DOCK1: variants seen among roughly 807,000 people sequenced by gnomAD.
DOCK1 encodes dedicator of cytokinesis 1.
In DOCK1, 138 loss-of-function variants were observed where a neutral mutation model predicts 262.7. The observed-to-expected ratio is 0.53, with a 90% CI of 0.46 to 0.61. DOCK1 has a LOEUF of 0.61. Ranked by LOEUF, DOCK1 falls within the 20% of genes least tolerant of loss-of-function variation. The pLI, the probability that DOCK1 is intolerant of heterozygous loss-of-function variation, is 0.00. For synonymous variants in DOCK1, 866 were observed against 867.4 expected, an observed-to-expected ratio of 1.00 and a Z score of 0.03; for missense variants, 1,908 against 2,370.7, an observed-to-expected ratio of 0.80 and a Z score of 4.05.
Position 127,415,146 on chromosome 10 carries a change from T to C in DOCK1, c.4429-6T>C, listed in dbSNP as rs546133274. On this transcript the variant is annotated splice_region_variant and splice_polypyrimidine_tract_variant and intron_variant, in intron 43 of 51. Transcript: ENST00000623213. ...CCCGTGTTGTGTGTGTGTGTTTCCT[T>C]TGCAGAATATGTGGATCGAGAGAAC... is the stretch of plus-strand genomic sequence containing the variant. The C allele has an allele frequency of 1.2e-5, 20 of 1,613,008 alleles. No homozygotes were observed. In the Admixed American group the frequency reaches 1.5e-4, roughly 12 times the overall value.
intron 29 of DOCK1, among the ~76,000 whole-genome samples, chr10:127,286,243 A>G (rs1473071882): frequency 6.6e-6 from 1 of 151,952 alleles, no homozygotes; most frequent in Non-Finnish European, 1.5e-5. Flanking sequence ...TGTTTGTCTG[A>G]AAAAGAAATC....
intron 27 of DOCK1, among the ~76,000 whole-genome samples, chr10:127,172,643 CCA>C (rs1214587590): frequency 2.0e-5 from 3 of 152,166 alleles, no homozygotes; most frequent in Non-Finnish European, 4.4e-5. Context: ...CTATCTGAGT[CCA>C]GAGGGCTCTG....
chr10:127,261,926 C>CTGTG (rs1394217712), intron 29 of DOCK1, among the ~76,000 whole-genome samples: 10 of 95,260 alleles, frequency 1.0e-4, no homozygotes, highest in South Asian at 3.7e-4. Flanking sequence ...CCGTGCTCAT[C>CTGTG]TGTGTGCATG....
intron 29 of DOCK1, among the ~76,000 whole-genome samples, chr10:127,273,118 T>C (rs2135201050): frequency 6.6e-6 from 1 of 152,358 alleles, no homozygotes; most frequent in African/African-American, 2.4e-5. Flanking sequence ...CCTTCTTTTC[T>C]TATTCTTATT....
intron 5 of DOCK1, among the ~76,000 whole-genome samples, chr10:126,989,395 C>T (rs145701703): frequency 6.6e-6 from 1 of 152,120 alleles, no homozygotes; most frequent in Non-Finnish European, 1.5e-5. Flanking sequence ...GGCATGATCA[C>T]AGCTCCCTGC....
In DOCK1 at chr10:127,176,647, A is replaced by G. The variant is rs919607048; in HGVS notation, c.2847+48883A>G. Among the ~76,000 whole-genome samples the G allele has an allele frequency of 7.9e-5, 12 of 152,192 alleles. No homozygotes were observed. The highest frequency in any genetic ancestry group is 5.2e-4 in the Admixed American group (8 of 15,280). ...GGGATACACTCGCTTTCCTTTTGAC[A>G]GTAATGCATGTTTCCCCATTAGACA... On this transcript the variant is annotated intron_variant, in intron 27 of 51. Transcript: ENST00000623213. The surrounding 1 kb of genome is among the most constrained non-coding windows in gnomAD (Gnocchi z 4.4).
chr10:127,002,061 C>T (rs1459288449), intron 10 of DOCK1, among the ~76,000 whole-genome samples: 1 of 152,200 alleles, frequency 6.6e-6, no homozygotes, highest in East Asian at 1.9e-4. Flanking sequence ...AATTGCCCCT[C>T]TATTTGTCAG....
intron 23 of DOCK1, among the ~76,000 whole-genome samples, chr10:127,103,157 A>G (rs7911238): frequency 0.22 from 34,153 of 152,032 alleles, 5,471 homozygotes; most frequent in African/African-American, 0.46. Flanking sequence ...GTCGAGTTCC[A>G]TTGTATGAAT....
At chr10:127,245,466 A>G (rs1190568553) in intron 27 of DOCK1, among the ~76,000 whole-genome samples, 1 of 152,186 alleles carries the variant, frequency 6.6e-6, no homozygotes, top group Non-Finnish European at 1.5e-5. Context: ...CAGTTAAACA[A>G]GGGGCCGCGT....
At chr10:126,921,300 A>G (rs1207547957) in intron 1 of DOCK1, among the ~76,000 whole-genome samples, 2 of 152,182 alleles carry the variant, frequency 1.3e-5, no homozygotes, top group African/African-American at 4.8e-5. Context: ...TCAAATGTCC[A>G]TCATTGGATG....
intron 27 of DOCK1, among the ~76,000 whole-genome samples, chr10:127,245,732 T>C (rs1056296623): frequency 7.2e-5 from 11 of 152,216 alleles, no homozygotes; most frequent in African/African-American, 2.7e-4. Context: ...TCATTAGTGT[T>C]ACTCTGTGCT....
At chr10:127,211,835 C>T (rs895370912) in intron 27 of DOCK1, among the ~76,000 whole-genome samples, 1 of 152,218 alleles carries the variant, frequency 6.6e-6, no homozygotes, top group Non-Finnish European at 1.5e-5. Context: ...TCCCTGCACA[C>T]ACCTGCCTTT....
At chr10:127,221,479 G>A (rs1474324354) in intron 27 of DOCK1, among the ~76,000 whole-genome samples, 1 of 152,164 alleles carries the variant, frequency 6.6e-6, no homozygotes, top group Non-Finnish European at 1.5e-5. Flanking sequence ...TGAGAGGGTG[G>A]CTGTGCTTTC....
intron 51 of DOCK1, among the ~76,000 whole-genome samples, chr10:127,451,001 A>T (rs918000179): frequency 1.6e-4 from 24 of 152,334 alleles, no homozygotes; most frequent in African/African-American, 5.1e-4. Context: ...GAGTGCCTCT[A>T]AGGACTTATT....
At chr10:127,102,108 C>G (rs1284221352) in intron 23 of DOCK1, among the ~76,000 whole-genome samples, 1 of 152,130 alleles carries the variant, frequency 6.6e-6, no homozygotes, top group African/African-American at 2.4e-5. Flanking sequence ...ATGGATCGTT[C>G]TGGAGTGGAG....
chr10:127,032,376 T>C, intron 18 of DOCK1, 56 bp downstream of exon 18: 8 of 1,451,024 alleles, frequency 5.5e-6, no homozygotes, highest in Non-Finnish European at 7.3e-6. Flanking sequence ...AGTCCTGTCT[T>C]TTCCATGCTC....
At chr10:127,280,035 A>ATATATATATAAT (rs2060894873) in intron 29 of DOCK1, among the ~76,000 whole-genome samples, 2 of 59,792 alleles carry the variant, frequency 3.3e-5, no homozygotes, top group African/African-American at 7.5e-5. Context: ...TATATATATA[A>ATATATATATAAT]TTTTTTTTTT....
chr10:127,102,239 C>G (rs530069831), intron 23 of DOCK1, among the ~76,000 whole-genome samples: 123 of 152,144 alleles, frequency 8.1e-4, no homozygotes, highest in Non-Finnish European at 1.6e-3. Context: ...CAGTGCTGAC[C>G]TGGGCCAAAG....
chr10:127,210,743 CTT>C (rs2057937623), intron 27 of DOCK1, among the ~76,000 whole-genome samples: 3 of 152,286 alleles, frequency 2.0e-5, no homozygotes, highest in South Asian at 2.1e-4. Context: ...TTTTGTTTTC[CTT>C]TTCTGAGGGT....
Sources: gnomAD v4.1 joint callset for allele counts (sites outside exome capture counted in the v4.1 genomes callset) on GRCh38, gnomAD v4.1.1 for gene constraint, Gnocchi (gnomAD v3.1) non-coding constraint, MANE v1.5 for transcripts, NCBI Gene and HGNC (gene_info 2026-07-23, HGNC 2026-07-21) for gene names.